The following RFX4 variants were observed in gnomAD, a reference collection of about 807,000 sequenced individuals.
RFX4 encodes regulatory factor X4.
Under a neutral mutation model 95.0 loss-of-function variants are expected in RFX4, and 10 were observed. The observed-to-expected ratio is 0.11, with a 90% CI of 0.06 to 0.18. The LOEUF (loss-of-function observed/expected upper bound fraction) is 0.18. Ranked by LOEUF, RFX4 falls within the 10% of genes least tolerant of loss-of-function variation. RFX4 has a pLI of 1.00. For missense variants in RFX4, 640 were observed against 922.0 expected (o/e 0.69, Z 3.96); for synonymous variants, 321 against 340.7 (o/e 0.94, Z 0.64).
At chr12:106,613,453 C>T (rs2040004508) in intron 2 of RFX4, among the ~76,000 whole-genome samples, 1 of 151,722 alleles carries the variant, frequency 6.6e-6, no homozygotes, top group African/African-American at 2.4e-5. Flanking sequence ...ACCCCTGCCT[C>T]CCAGGTTCAA....
intron 17 of RFX4, 58 bp downstream of exon 17, chr12:106,750,851 G>T (rs2042987791): frequency 4.8e-6 from 7 of 1,445,842 alleles, no homozygotes; most frequent in Non-Finnish European, 6.4e-6. Context: ...GCCAAATCTG[G>T]TTAACACAGT....
intron 5 of RFX4, chr12:106,683,786 A>G (rs1359328494): frequency 1.3e-5 from 2 of 152,206 alleles, no homozygotes; most frequent in African/African-American, 2.4e-5. Flanking sequence ...GTAAAGAGAG[A>G]GCAGAAAGGT....
chr12:106,750,663 G>A lies in RFX4; in HGVS notation c.1805G>A (p.Gly602Glu). The change falls in exon 17 of 18, where the codon GGA becomes GAA. Residue 602 changes from glycine to glutamate, a missense_variant. Around this residue, in one of 7 missense-constraint regions of RFX4, gnomAD observed 300 missense variants for 346.8 expected, o/e 0.87. Coordinates refer to ENST00000392842, the MANE Select transcript of RFX4 (RefSeq NM_213594.3). The part of the protein sequence containing the change: ...YPHREEHGYT[G>E]SYNYGSYGNQ... Reference sequence around the variant, plus strand: ...TGCTTGATGCATTTTAGATACACGGGAAGCTATAACTATGGGAGCTATGGC... The same window carrying A: ...TGCTTGATGCATTTTAGATACACGGAAAGCTATAACTATGGGAGCTATGGC... 1 of 1,604,110 alleles carries A rather than the reference G, an allele frequency of 6.2e-7. No individual in the cohort carries two copies. Among genetic ancestry groups the A allele is most frequent in the Non-Finnish European group, 8.5e-7 (1 of 1,175,786 alleles).
chr12:106,623,947 G>A (rs369076271), intron 2 of RFX4, among the ~76,000 whole-genome samples: 1 of 152,230 alleles, frequency 6.6e-6, no homozygotes, highest in African/African-American at 2.4e-5. Context: ...GGCTGTTTAT[G>A]TCTTTCTGCT....
At chr12:106,637,302 C>T (rs1457406285) in intron 2 of RFX4, among the ~76,000 whole-genome samples, 1 of 152,154 alleles carries the variant, frequency 6.6e-6, no homozygotes, top group Non-Finnish European at 1.5e-5. Flanking sequence ...TACAAGCAGA[C>T]ATTTAAATCA....
chr12:106,703,529 C>T (rs921633972), intron 8 of RFX4, among the ~76,000 whole-genome samples: 2 of 152,148 alleles, frequency 1.3e-5, no homozygotes, highest in South Asian at 2.1e-4. Flanking sequence ...ATCAAGTGAA[C>T]GGAGGCTAAA....
chr12:106,728,950 G>A (rs373563962), intron 13 of RFX4, among the ~76,000 whole-genome samples: 1 of 152,258 alleles, frequency 6.6e-6, no homozygotes, highest in South Asian at 2.1e-4. Flanking sequence ...CAGACAAACT[G>A]GTAGCTGATC....
chr12:106,673,742 A>G (rs1344526843), intron 4 of RFX4, among the ~76,000 whole-genome samples: 1 of 152,222 alleles, frequency 6.6e-6, no homozygotes, highest in East Asian at 1.9e-4. Context: ...TGCTTATAGC[A>G]TTATTTGCAT....
At chr12:106,730,992 T>C (rs1182424804) in intron 13 of RFX4, among the ~76,000 whole-genome samples, 2 of 151,506 alleles carry the variant, frequency 1.3e-5, no homozygotes, top group Non-Finnish European at 2.9e-5. Flanking sequence ...GTAGTGAGAC[T>C]CCGTCTCAAA....
chr12:106,584,697 C>T (rs2039427904), intron 1 of RFX4, among the ~76,000 whole-genome samples: 1 of 152,256 alleles, frequency 6.6e-6, no homozygotes, highest in Non-Finnish European at 1.5e-5. Context: ...TTTAAGGCCT[C>T]TCCAGGTTTC....
intron 13 of RFX4, among the ~76,000 whole-genome samples, chr12:106,730,822 G>A (rs947047941): frequency 2.6e-5 from 4 of 152,086 alleles, no homozygotes; most frequent in African/African-American, 9.7e-5. Context: ...CCAACATGGC[G>A]AAACCCATCT....
At chr12:106,746,746 T>C (rs192793361) in intron 15 of RFX4, among the ~76,000 whole-genome samples, 8 of 152,330 alleles carry the variant, frequency 5.3e-5, no homozygotes, top group South Asian at 2.1e-4. Flanking sequence ...AATCTACTTA[T>C]GTTTGCTTAA....
intron 4 of RFX4, among the ~76,000 whole-genome samples, chr12:106,673,899 C>T (rs941460821): frequency 6.6e-6 from 1 of 152,216 alleles, no homozygotes; most frequent in Non-Finnish European, 1.5e-5. Context: ...GGTTTCCCTG[C>T]TTCCATCCTT....
At chr12:106,594,202 G>A (rs2039583163) in intron 1 of RFX4, among the ~76,000 whole-genome samples, 1 of 152,184 alleles carries the variant, frequency 6.6e-6, no homozygotes, top group Non-Finnish European at 1.5e-5. Context: ...AAATAAGTCT[G>A]CCTCAGAAAG....
At chr12:106,589,951 CTA>C (rs2039514176) in intron 1 of RFX4, among the ~76,000 whole-genome samples, 1 of 152,248 alleles carries the variant, frequency 6.6e-6, no homozygotes, top group African/African-American at 2.4e-5. Flanking sequence ...TCCAAGAAGA[CTA>C]TGTGTCTCCT....
rs567663897 is a variant in RFX4, at chr12:106,608,028, A to G, written c.44-769A>G. Reference sequence around the variant, plus strand: ...GCCAACATGGTGAAACCCCGTCTCTACTAAAAATACAAAAATTAGCCGAAC... The same window carrying G: ...GCCAACATGGTGAAACCCCGTCTCTGCTAAAAATACAAAAATTAGCCGAAC... On this transcript the variant is annotated intron_variant, in intron 1 of 17. Transcript: ENST00000392842. Among the ~76,000 whole-genome samples, 16 of 152,270 alleles carry G rather than the reference A, an allele frequency of 1.1e-4. 1 individual carries two copies. Among genetic ancestry groups the G allele is most frequent in the Admixed American group, 8.5e-4 (13 of 15,288 alleles).
At chr12:106,627,786 A>G (rs542580140) in intron 2 of RFX4, among the ~76,000 whole-genome samples, 63 of 152,188 alleles carry the variant, frequency 4.1e-4, no homozygotes, top group Non-Finnish European at 5.9e-5. Flanking sequence ...GGAGAAGACT[A>G]TGGTGAGATG....
At chr12:106,724,282 G>A (rs1166402885) in intron 13 of RFX4, among the ~76,000 whole-genome samples, 1 of 152,160 alleles carries the variant, frequency 6.6e-6, no homozygotes, top group Non-Finnish European at 1.5e-5. Context: ...TTCTAAAGAG[G>A]TGAGAAGGGA....
At chr12:106,592,223 C>A (rs947936719) in intron 1 of RFX4, among the ~76,000 whole-genome samples, 3 of 151,872 alleles carry the variant, frequency 2.0e-5, no homozygotes, top group Non-Finnish European at 4.4e-5. Flanking sequence ...AAAATGTAGA[C>A]TGTTTTAGAA....
Sources: gnomAD v4.1 joint callset for allele counts (sites outside exome capture counted in the v4.1 genomes callset) on GRCh38, gnomAD v4.1.1 for gene constraint, gnomAD v4.1.1 regional missense constraint, MANE v1.5 for transcripts, NCBI Gene and HGNC (gene_info 2026-07-23, HGNC 2026-07-21) for gene names.